The following PACRG variants were observed in gnomAD, a reference collection of about 807,000 sequenced individuals.
The protein encoded by PACRG is parkin coregulated.
PACRG carries 29 observed loss-of-function variants against 29.7 expected under a neutral mutation model. The ratio of observed to expected loss-of-function variants is 0.98; its 90% CI spans 0.73 to 1.33. The LOEUF (loss-of-function observed/expected upper bound fraction) is 1.33, where lower values mean the gene tolerates loss of function less well. PACRG is among the 40% of genes most tolerant of loss of function. PACRG has a pLI of 0.00. For synonymous variants in PACRG, 116 were observed against 118.7 expected (o/e 0.98, Z 0.15); for missense variants, 279 against 316.2 (o/e 0.88, Z 0.89).
intron 4 of PACRG, chr6:163,179,376 A>T: frequency 3.5e-6 from 1 of 285,126 alleles, no homozygotes; most frequent in Non-Finnish European, 7.0e-6. Flanking sequence ...CAACCTACTC[A>T]TTTGGTGTTC....
At chr6:162,829,494 G>A (rs1248902772) in intron 2 of PACRG, among the ~76,000 whole-genome samples, 1 of 152,184 alleles carries the variant, frequency 6.6e-6, no homozygotes, top group Non-Finnish European at 1.5e-5. Flanking sequence ...AATTTATTAA[G>A]TGCAGTGAAA....
At chr6:162,876,702 T>A (rs1308333333) in intron 2 of PACRG, among the ~76,000 whole-genome samples, 1 of 152,230 alleles carries the variant, frequency 6.6e-6, no homozygotes, top group Non-Finnish European at 1.5e-5. Flanking sequence ...GTGCAGAAGC[T>A]CTTTAGTTTA....
At chr6:163,249,083 A>G (rs2128171490) in intron 4 of PACRG, among the ~76,000 whole-genome samples, 1 of 151,950 alleles carries the variant, frequency 6.6e-6, no homozygotes, top group East Asian at 1.9e-4. Context: ...ACCAATAGAA[A>G]GTCGGTCACT....
chr6:162,817,422 G>A lies in PACRG; in HGVS notation c.291+3141G>A, dbSNP rs1007830. ...TCTCAGTACCAGTTTCATGCACATG[G>A]AAGTGGTCATTAGTTCCAGATGCCA... On this transcript the variant is annotated intron_variant, in intron 2 of 4. Coordinates refer to ENST00000366888, the MANE Select transcript of PACRG (RefSeq NM_001080379.2). Among the ~76,000 whole-genome samples, 990 of 152,318 alleles carry A rather than the reference G, an allele frequency of 6.5e-3. 6 individuals carry two copies. Among genetic ancestry groups the A allele is most frequent in the Middle Eastern group, 0.017 (5 of 292 alleles).
At chr6:162,786,476 TG>T (rs776866965) in intron 1 of PACRG, among the ~76,000 whole-genome samples, 1 of 152,208 alleles carries the variant, frequency 6.6e-6, no homozygotes, top group Non-Finnish European at 1.5e-5. Flanking sequence ...ATGCTATTCG[TG>T]GTGTGGTTCA....
intron 1 of PACRG, among the ~76,000 whole-genome samples, chr6:162,771,679 A>G (rs1783233696): frequency 6.6e-6 from 1 of 152,178 alleles, no homozygotes. Flanking sequence ...ATGAATATTC[A>G]TAGCTGTTAG....
intron 4 of PACRG, among the ~76,000 whole-genome samples, chr6:163,273,559 T>A (rs1783917649): frequency 6.6e-6 from 1 of 152,186 alleles, no homozygotes; most frequent in Non-Finnish European, 1.5e-5. Flanking sequence ...TTTGACTAAT[T>A]ATATTTTCCT....
intron 2 of PACRG, among the ~76,000 whole-genome samples, chr6:162,998,325 C>T (rs1280584163): frequency 6.6e-6 from 1 of 152,164 alleles, no homozygotes; most frequent in Non-Finnish European, 1.5e-5. Flanking sequence ...CCGTATGCAA[C>T]TCAGGATCTC....
intron 4 of PACRG, among the ~76,000 whole-genome samples, chr6:163,307,158 G>A (rs1785222251): frequency 6.6e-6 from 1 of 152,170 alleles, no homozygotes; most frequent in South Asian, 2.1e-4. Flanking sequence ...GTCTATGTGA[G>A]GGAAATTTAG....
At chr6:162,893,727 G>A (rs973007970) in intron 2 of PACRG, among the ~76,000 whole-genome samples, 6 of 152,182 alleles carry the variant, frequency 3.9e-5, no homozygotes, top group Non-Finnish European at 8.8e-5. Flanking sequence ...TATGCAGATC[G>A]AAAACAGAGC....
intron 4 of PACRG, among the ~76,000 whole-genome samples, chr6:163,303,680 C>T (rs1186097043): frequency 6.6e-6 from 1 of 151,996 alleles, no homozygotes; most frequent in Non-Finnish European, 1.5e-5. Context: ...CTATAAAAAT[C>T]CGATATGTTC....
chr6:163,304,630 A>G (rs1305373324), intron 4 of PACRG, among the ~76,000 whole-genome samples: 1 of 152,228 alleles, frequency 6.6e-6, no homozygotes, highest in African/African-American at 2.4e-5. Context: ...TGCAAAATCA[A>G]AGAGGGAGTA....
intron 1 of PACRG, among the ~76,000 whole-genome samples, chr6:162,776,195 A>G (rs1783630283): frequency 6.6e-6 from 1 of 152,226 alleles, no homozygotes; most frequent in Non-Finnish European, 1.5e-5. Context: ...CAATTACATA[A>G]TGTCATTTTC....
At chr6:162,730,803 T>G (rs1779709460) in intron 1 of PACRG, among the ~76,000 whole-genome samples, 1 of 152,206 alleles carries the variant, frequency 6.6e-6, no homozygotes, top group African/African-American at 2.4e-5. Context: ...GAAATAATAT[T>G]CAAATTCACA....
intron 4 of PACRG, among the ~76,000 whole-genome samples, chr6:163,246,322 T>C (rs1009610347): frequency 6.6e-6 from 1 of 152,162 alleles, no homozygotes; most frequent in Admixed American, 6.6e-5. Context: ...TCAGGGCCTT[T>C]GCACCAGCTC....
chr6:162,973,346 G>A (rs1801684779), intron 2 of PACRG, among the ~76,000 whole-genome samples: 1 of 152,220 alleles, frequency 6.6e-6, no homozygotes, highest in African/African-American at 2.4e-5. Flanking sequence ...GTGAAAGTCT[G>A]TTGCAAGTGT....
intron 4 of PACRG, among the ~76,000 whole-genome samples, chr6:163,222,872 C>G (rs1220154373): frequency 6.6e-6 from 1 of 152,090 alleles, no homozygotes; most frequent in Non-Finnish European, 1.5e-5. Context: ...TACAACATTT[C>G]AAATGTTACT....
chr6:162,912,891 T>TA (rs1796405398), intron 2 of PACRG, among the ~76,000 whole-genome samples: 1 of 146,314 alleles, frequency 6.8e-6, no homozygotes, highest in African/African-American at 2.5e-5. Context: ...TTCTTATAAA[T>TA]ACATGTGTAG....
chr6:163,027,624 A>G (rs1323393890), intron 2 of PACRG, among the ~76,000 whole-genome samples: 1 of 152,160 alleles, frequency 6.6e-6, no homozygotes, highest in Non-Finnish European at 1.5e-5. Flanking sequence ...ACAGGATATA[A>G]TAACCCAACC....
Sources: allele counts gnomAD v4.1 joint callset (sites outside exome capture counted in the v4.1 genomes callset), GRCh38; gene constraint gnomAD v4.1.1; transcripts MANE v1.5; gene names NCBI Gene and HGNC (gene_info 2026-07-23, HGNC 2026-07-21).